MPRIP: variants seen among roughly 807,000 people sequenced by gnomAD.
The protein encoded by MPRIP is myosin phosphatase Rho interacting protein.
A neutral mutation model predicts 234.9 loss-of-function variants in MPRIP; 59 were observed. That is an observed-to-expected ratio of 0.25 (90% confidence interval 0.20 to 0.31). The LOEUF is 0.31. Among genes scored for constraint, MPRIP ranks in the 10% least tolerant of loss-of-function variants. The pLI is 1.00. For missense variants in MPRIP, 2,436 were observed against 3,071.0 expected (o/e 0.79, Z 4.89); for synonymous variants, 1,144 against 1,263.9 (o/e 0.91, Z 2.01).
Position 17,192,427 on chromosome 17 carries a change from TGGGG to T in MPRIP, c.*7545_*7548del, listed in dbSNP as rs1555603013. On this transcript the variant is annotated 3_prime_UTR_variant, in exon 24 of 24. Coordinates refer to ENST00000651222, the MANE Select transcript of MPRIP (RefSeq NM_001364716.4). ...ACCAGCTGAGCTGCTGCTTTTTTTT[TGGGG>T]GGGGGGGGGGGAGGGGCGTCTTGAG... 2 of 4,808 alleles carry T rather than the reference TGGGG, an allele frequency of 4.2e-4. No individual in the cohort carries two copies. Among genetic ancestry groups the T allele is most frequent in the African/African-American group, 8.5e-4 (2 of 2,350 alleles). The allele number at this position is 4,808 out of a possible 1,614,324, so 0.3% of individuals were successfully genotyped here. A position where few individuals can be genotyped will look rare whatever the true frequency, so the allele number is the denominator to read the frequency against.
intron 12 of MPRIP, among the ~76,000 whole-genome samples, chr17:17,151,041 T>TATTATC (rs1163474661): frequency 2.7e-5 from 4 of 149,958 alleles, no homozygotes; most frequent in African/African-American, 7.4e-5. Context: ...TTATTATTAT[T>TATTATC]ATCATTATTT....
rs1491153124 is a variant in MPRIP at position 17,176,409 on chromosome 17, T to TC, written c.6871-16dup. On this transcript the variant is annotated splice_polypyrimidine_tract_variant and intron_variant, in intron 20 of 23. Transcript: ENST00000651222. ...TTTGCTCCTGAATATTGGTCCCTGATCTCTCTGTCATTTTAGGTCTTATTG... is the reference window on the plus strand; with the variant it reads ...TTTGCTCCTGAATATTGGTCCCTGATCCTCTCTGTCATTTTAGGTCTTATTG... 1 of 1,600,150 alleles carries TC rather than the reference T, an allele frequency of 6.2e-7. No individual in the cohort carries two copies. Among genetic ancestry groups the TC allele is most frequent in the Non-Finnish European group, 8.6e-7 (1 of 1,167,438 alleles).
chr17:17,082,386 C>A (rs59512836), intron 3 of MPRIP, among the ~76,000 whole-genome samples: 1,720 of 145,238 alleles, frequency 0.012, 38 homozygotes, highest in African/African-American at 0.042. Flanking sequence ...ACCTCCGACT[C>A]CCAGGTTCAA....
At chr17:17,104,868 C>T (rs1358855399) in intron 3 of MPRIP, among the ~76,000 whole-genome samples, 1 of 152,156 alleles carries the variant, frequency 6.6e-6, no homozygotes, top group Admixed American at 6.5e-5. Context: ...CATTATTTCC[C>T]TGAGCCCACT....
intron 3 of MPRIP, among the ~76,000 whole-genome samples, chr17:17,091,353 G>A (rs1377051591): frequency 6.6e-6 from 1 of 152,090 alleles, no homozygotes; most frequent in Non-Finnish European, 1.5e-5. Context: ...CTGAGACCCA[G>A]GGGGCAGGCA....
Position 17,174,027 on chromosome 17 carries a change from C to T in MPRIP, c.6702C>T (p.Ala2234=). 5.6e-6 allele frequency: 9 copies of T among 1,613,464 alleles called. No individual in the cohort carries two copies. Among genetic ancestry groups the T allele is most frequent in the Non-Finnish European group, 7.6e-6 (9 of 1,180,022 alleles). ...AGGCGCTGGAGGCCGAGCGGCAGGC[C>T]CTGCGGCAGTGCCAGCGTGAGAACC... ...LAQALEAERQ[A]LRQCQRENQE... The change falls in exon 19 of 24, where the codon GCC becomes GCT. Residue 2234 remains alanine, a synonymous_variant. Transcript: ENST00000651222.
rs145264583 is a variant in MPRIP at position 17,042,904 on chromosome 17, A to G, written c.56A>G (p.Lys19Arg). ...CRKFQANIFNKSKCQNCFKPR... is the reference protein window; with the variant it reads ...CRKFQANIFNRSKCQNCFKPR... ...AAATTCCAGGCCAACATCTTCAACA[A>G]GAGCAAGTGTCAGAACTGCTTCAAG... The change falls in exon 1 of 24, where the codon AAG becomes AGG. Residue 19 changes from lysine (K) to arginine (R), a missense_variant. By Grantham distance (26) the Lys-to-Arg change is conservative. Around this residue, in one of 4 missense-constraint regions of MPRIP, gnomAD observed 140 missense variants for 207.3 expected, o/e 0.68. Transcript: ENST00000651222. The G allele has an allele frequency of 1.2e-5, 20 of 1,610,150 alleles. No individual in the cohort carries two copies. The African/African-American group carries it at 1.5e-4, about 12-fold the overall frequency.
At chr17:17,171,306 C>G (rs1230344369) in intron 16 of MPRIP, 1 of 167,914 alleles carries the variant, frequency 6.0e-6, no homozygotes, top group Non-Finnish European at 1.3e-5. Context: ...TCACCGTGTC[C>G]CTCCAGACCA....
At chr17:17,151,009 CTTATTATTA>C (rs57859773) in intron 12 of MPRIP, among the ~76,000 whole-genome samples, 40 of 145,216 alleles carry the variant, frequency 2.8e-4, no homozygotes, top group African/African-American at 4.1e-4. Flanking sequence ...CCATGCCCAG[CTTATTATTA>C]TTATTATTAT....
intron 3 of MPRIP, among the ~76,000 whole-genome samples, chr17:17,101,954 C>G (rs766165095): frequency 6.6e-6 from 1 of 152,182 alleles, no homozygotes; most frequent in Non-Finnish European, 1.5e-5. Context: ...AAATGTCACC[C>G]GCAGGGAGCT....
chr17:17,098,344 C>T (rs2144197853), intron 3 of MPRIP, among the ~76,000 whole-genome samples: 1 of 152,304 alleles, frequency 6.6e-6, no homozygotes, highest in Admixed American at 6.5e-5. Context: ...CCAGAAGGCC[C>T]CTGCCTGCCT....
At position 17,180,772 on chromosome 17, in the gene MPRIP, A is replaced by G. The variant is rs1169939488; in HGVS notation, c.7206+684A>G. ...CAATTCATCCTGCTCCAACAAACAC[A>G]TACCAAATCCAAGTGAGGTTTCTTT... is the stretch of plus-strand genomic sequence containing the variant. On this transcript the variant is annotated intron_variant, in intron 23 of 23. Transcript: ENST00000651222. The G allele has an allele frequency of 3.3e-6, 4 of 1,227,414 alleles. No individual in the cohort carries two copies. The East Asian group carries it at 9.3e-5, about 29-fold the overall frequency. 76.0% of individuals were successfully genotyped at this position (1,227,414 alleles called of 1,614,324 possible).
rs374451143 is a variant in MPRIP, at chr17:17,172,794, A to G, written c.6569A>G (p.Glu2190Gly). 5.0e-6 allele frequency: 8 copies of G among 1,612,304 alleles called. No individual in the cohort carries two copies. The highest frequency in any genetic ancestry group is 1.3e-5 in the African/African-American group (1 of 74,902). Residue 2190 changes from glutamate (E) to glycine (G), a missense_variant, in exon 18 of 24, where the codon GAG becomes GGG. Physicochemically the swap from Glu to Gly is moderately conservative, Grantham distance 98. Around this residue, in one of 4 missense-constraint regions of MPRIP, gnomAD observed 1,998 missense variants for 2,520.3 expected, o/e 0.79. Transcript: ENST00000651222. ...SQISSVNSDV[E>G]ALRRQYLEEL... ...ATCAGCAGCGTCAACTCGGATGTTG[A>G]GGCCCTGCGGCGCCAGTACCTGTAA...
intron 3 of MPRIP, among the ~76,000 whole-genome samples, chr17:17,089,175 T>C (rs926164964): frequency 1.3e-5 from 2 of 152,208 alleles, no homozygotes; most frequent in Admixed American, 1.3e-4. Flanking sequence ...TGCCACAAAC[T>C]TAGTGGCTTA....
At chr17:17,173,753 C>A in intron 18 of MPRIP, 163 bp from the exon 19 acceptor site, 1 of 807,278 alleles carries the variant, frequency 1.2e-6, no homozygotes. Context: ...GTGAGGCCAT[C>A]TCTGTAAGGG....
At chr17:17,168,748 G>C (rs1191910357) in intron 16 of MPRIP, 2 of 414,472 alleles carry the variant, frequency 4.8e-6, no homozygotes, top group Non-Finnish European at 9.8e-6. Context: ...TTCCACTCAG[G>C]AAGCTGCCCC....
chr17:17,168,899 C>T (rs891016372), intron 16 of MPRIP: 10 of 456,594 alleles, frequency 2.2e-5, no homozygotes, highest in Non-Finnish European at 3.5e-5. Context: ...GCCACTGCTC[C>T]TGCCTACACA....
In MPRIP at chr17:17,095,974, T is replaced by C. The variant is rs72637388; in HGVS notation, c.267+17898T>C. 0.016 allele frequency among the ~76,000 whole-genome samples: 2,492 copies of C among 152,032 alleles called. 250 individuals are homozygous for C. The East Asian group carries it at 0.29, about 18-fold the overall frequency. ...CTGCTCTTGTCTCCTCTCCAGCTTTTCATCCTTGAGAGTTTATACCTCCCC... is the reference window on the plus strand; with the variant it reads ...CTGCTCTTGTCTCCTCTCCAGCTTTCCATCCTTGAGAGTTTATACCTCCCC... On this transcript the variant is annotated intron_variant, in intron 3 of 23. Transcript: ENST00000651222.
chr17:17,180,686 A>C (rs1340253578), intron 23 of MPRIP: 1 of 1,607,962 alleles, frequency 6.2e-7, no homozygotes, highest in Non-Finnish European at 8.5e-7. Flanking sequence ...CGCCTCTCCC[A>C]CCGCCTGCAT....
Sources: allele counts gnomAD v4.1 joint callset (sites outside exome capture counted in the v4.1 genomes callset), GRCh38; gene constraint gnomAD v4.1.1; regional missense constraint gnomAD v4.1.1; transcripts MANE v1.5; gene names NCBI Gene and HGNC (gene_info 2026-07-23, HGNC 2026-07-21).